Variants in UGGT2 observed in about 807,000 individuals in gnomAD.
UGGT2 encodes the protein UDP-glucose:glycoprotein glucosyltransferase 2.
UGGT2 carries 180 observed loss-of-function variants against 192.1 expected under a neutral mutation model. The ratio of observed to expected loss-of-function variants is 0.94; its 90% confidence interval spans 0.83 to 1.06. The LOEUF is 1.06. UGGT2 is among the 50% of genes least tolerant of loss of function. The probability of loss-of-function intolerance (pLI) is 0.00; values close to 1 mark genes in which losing one functional copy is unlikely to be tolerated. For missense variants in UGGT2, 1,849 were observed against 1,795.7 expected, an observed-to-expected ratio of 1.03 and a Z score of -0.54; for synonymous variants, 580 against 591.0, an observed-to-expected ratio of 0.98 and a Z score of 0.27.
At chr13:95,876,816 T>C (rs888036306) in intron 29 of UGGT2, 2 of 152,654 alleles carry the variant, frequency 1.3e-5, no homozygotes, top group African/African-American at 4.8e-5. Context: ...TGCATGGGTA[T>C]GAGCACCGGA....
At chr13:95,998,082 G>C (rs1228566208) in intron 6 of UGGT2, among the ~76,000 whole-genome samples, 2 of 152,152 alleles carry the variant, frequency 1.3e-5, no homozygotes, top group Admixed American at 1.3e-4. Context: ...GAAGACCTAA[G>C]ATCAGAGAGA....
intron 8 of UGGT2, chr13:95,989,441 T>G (rs555120): frequency 0.98 from 188,319 of 192,716 alleles, 92,174 homozygotes; most frequent in East Asian, 1. Context: ...AATTGAAAAG[T>G]ACTTAAAAGT....
intron 5 of UGGT2, among the ~76,000 whole-genome samples, chr13:96,010,464 A>C (rs1191149184): frequency 2.0e-5 from 3 of 152,204 alleles, no homozygotes; most frequent in Non-Finnish European, 4.4e-5. Context: ...TAATAGTAGA[A>C]GACCAAATGC....
chr13:95,891,031 T>G, intron 24 of UGGT2, 67 bp from the exon 25 acceptor site: 1 of 1,127,372 alleles, frequency 8.9e-7, no homozygotes, highest in Middle Eastern at 2.1e-4. Context: ...ATCATGATCT[T>G]AGCTATATAA....
intron 10 of UGGT2, among the ~76,000 whole-genome samples, chr13:95,981,772 CA>C (rs1232523697): frequency 6.6e-6 from 1 of 152,202 alleles, no homozygotes; most frequent in African/African-American, 2.4e-5. Flanking sequence ...AATGCAATTG[CA>C]ATGAATAGTC....
At chr13:95,842,787 C>G (rs866292879) in intron 36 of UGGT2, among the ~76,000 whole-genome samples, 3 of 152,294 alleles carry the variant, frequency 2.0e-5, no homozygotes, top group Non-Finnish European at 1.5e-5. Flanking sequence ...TTAGACTTTC[C>G]GTATAATAGC....
At chr13:96,017,597 AATTTT>A (rs1411727398) in intron 4 of UGGT2, among the ~76,000 whole-genome samples, 1 of 152,242 alleles carries the variant, frequency 6.6e-6, no homozygotes, top group Non-Finnish European at 1.5e-5. Context: ...ACATACCAGT[AATTTT>A]ATTTATTTAC....
chr13:95,975,771 A>C (rs892160022), intron 10 of UGGT2, among the ~76,000 whole-genome samples: 3 of 152,172 alleles, frequency 2.0e-5, no homozygotes, highest in Non-Finnish European at 4.4e-5. Flanking sequence ...GGGTGTTCCT[A>C]AGGTGAAATG....
intron 36 of UGGT2, among the ~76,000 whole-genome samples, chr13:95,839,548 C>T (rs1887643991): frequency 6.6e-6 from 1 of 152,112 alleles, no homozygotes; most frequent in African/African-American, 2.4e-5. Flanking sequence ...AACTGATGGG[C>T]ATTTGGGTTG....
intron 11 of UGGT2, among the ~76,000 whole-genome samples, chr13:95,970,856 T>C (rs574603894): frequency 6.6e-6 from 1 of 152,298 alleles, no homozygotes; most frequent in South Asian, 2.1e-4. Flanking sequence ...AGGCGACTAT[T>C]CAGAGGCAAA....
chr13:95,972,524 C>A (rs895656008), intron 11 of UGGT2, 56 bp downstream of exon 11: 24 of 1,375,926 alleles, frequency 1.7e-5, no homozygotes, highest in Non-Finnish European at 2.3e-5. Flanking sequence ...AAATTCAAGA[C>A]AATGTTTATT....
intron 19 of UGGT2, among the ~76,000 whole-genome samples, chr13:95,926,422 G>T (rs1306275179): frequency 6.6e-6 from 1 of 152,028 alleles, no homozygotes; most frequent in Non-Finnish European, 1.5e-5. Flanking sequence ...ACCAAAATCA[G>T]CCTTCTTTAA....
At position 95,970,065 on chromosome 13, in the gene UGGT2, T is replaced by A. The variant is rs748420260; in HGVS notation, c.1335+47A>T. On this transcript the variant is annotated intron_variant, in intron 12 of 38. Coordinates refer to ENST00000376747, the MANE Select transcript of UGGT2 (RefSeq NM_020121.4). The stretch of plus-strand genomic sequence containing the variant: ...CCGATACTTCATTTTATGTTAAGCC[T>A]TAAGTATACTACAGGTTTTAGAACA... 1.7e-5 allele frequency: 27 copies of A among 1,549,222 alleles called. 1 individual carries two copies. The highest frequency in any genetic ancestry group is 9.3e-5 in the South Asian group (8 of 85,960).
At chr13:95,924,723 C>A (rs1378726792) in intron 20 of UGGT2, among the ~76,000 whole-genome samples, 1 of 152,074 alleles carries the variant, frequency 6.6e-6, no homozygotes, top group African/African-American at 2.4e-5. Flanking sequence ...AAAAAGGAAG[C>A]TGCCACGTTG....
chr13:95,848,555 C>T (rs1288835008), intron 36 of UGGT2, among the ~76,000 whole-genome samples: 7 of 152,148 alleles, frequency 4.6e-5, no homozygotes, highest in Non-Finnish European at 8.8e-5. Context: ...ACTATCTCTG[C>T]TCTATCTTTG....
chr13:95,877,492 C>A (rs1891820059), intron 28 of UGGT2, 128 bp from the exon 29 acceptor site: 5 of 966,212 alleles, frequency 5.2e-6, no homozygotes, highest in Admixed American at 3.2e-5. Context: ...TAAATCAATT[C>A]CAAGTAAAGA....
At chr13:96,027,077 C>T (rs2139136960) in intron 2 of UGGT2, among the ~76,000 whole-genome samples, 1 of 152,048 alleles carries the variant, frequency 6.6e-6, no homozygotes, top group South Asian at 2.1e-4. Flanking sequence ...TCGTGTTCAA[C>T]AGTAAAAGCA....
intron 27 of UGGT2, among the ~76,000 whole-genome samples, chr13:95,879,111 C>G (rs961194809): frequency 6.6e-6 from 1 of 152,144 alleles, no homozygotes; most frequent in Non-Finnish European, 1.5e-5. Context: ...TCAACACCCT[C>G]ACTTTACAGA....
At chr13:95,874,819 G>A (rs1891524513) in intron 29 of UGGT2, among the ~76,000 whole-genome samples, 1 of 151,932 alleles carries the variant, frequency 6.6e-6, no homozygotes, top group Non-Finnish European at 1.5e-5. Flanking sequence ...AGCCTCCCAA[G>A]TAACTAGGAC....
Sources: gnomAD v4.1 joint callset for allele counts (sites outside exome capture counted in the v4.1 genomes callset) on GRCh38, gnomAD v4.1.1 for gene constraint, MANE v1.5 for transcripts, NCBI Gene and HGNC (gene_info 2026-07-23, HGNC 2026-07-21) for gene names.